EXT2: variants seen among roughly 807,000 people sequenced by gnomAD.
EXT2 encodes exostosin-2.
EXT2 carries 53 observed loss-of-function variants against 81.6 expected under a neutral mutation model. The observed-to-expected ratio is 0.65, with a 90% CI of 0.52 to 0.82. The LOEUF (loss-of-function observed/expected upper bound fraction) is 0.82, where lower values mean the gene tolerates loss of function less well. Among genes scored for constraint, EXT2 ranks in the 40% least tolerant of loss-of-function variants. The probability of loss-of-function intolerance (pLI) is 0.00; values close to 1 mark genes in which losing one functional copy is unlikely to be tolerated. For synonymous variants in EXT2, 320 were observed against 340.0 expected (o/e 0.94, Z 0.65); for missense variants, 774 against 910.2 (o/e 0.85, Z 1.93).
In EXT2 at chr11:44,248,761, G is replaced by T. The variant is rs1240301112; in HGVS notation, c.*4474G>T. Reference sequence around the variant, plus strand: ...CCAGCTTCCCCAATTTCCTGGGAGGGTGTGTGGGTCTGTACAGGCAACCTT... The same window carrying T: ...CCAGCTTCCCCAATTTCCTGGGAGGTTGTGTGGGTCTGTACAGGCAACCTT... On this transcript the variant is annotated 3_prime_UTR_variant, in exon 14 of 14. Coordinates refer to ENST00000533608, the MANE Select transcript of EXT2 (RefSeq NM_207122.2). 1.3e-5 allele frequency among the ~76,000 whole-genome samples: 2 copies of T among 152,144 alleles called. No individual in the cohort carries two copies. The highest frequency in any genetic ancestry group is 1.9e-4 in the East Asian group (1 of 5,182).
intron 7 of EXT2, among the ~76,000 whole-genome samples, chr11:44,163,160 A>T (rs532222798): frequency 6.6e-5 from 10 of 152,316 alleles, no homozygotes; most frequent in Admixed American, 6.5e-4. Context: ...AGTCCACAAG[A>T]AGTGCCTTTA....
At chr11:44,143,781 A>G (rs1954678410) in intron 7 of EXT2, among the ~76,000 whole-genome samples, 1 of 152,210 alleles carries the variant, frequency 6.6e-6, no homozygotes, top group Non-Finnish European at 1.5e-5. Context: ...TGTAGTAATA[A>G]TAGTGGACAG....
chr11:44,141,619 A>C (rs140507625), intron 7 of EXT2, among the ~76,000 whole-genome samples: 5 of 152,370 alleles, frequency 3.3e-5, no homozygotes, highest in Admixed American at 2.6e-4. Flanking sequence ...ATTTATGATC[A>C]TGAACAATCT....
chr11:44,193,792 C>T (rs558867254), intron 8 of EXT2, among the ~76,000 whole-genome samples: 1 of 152,172 alleles, frequency 6.6e-6, no homozygotes. Context: ...GTCCATACCC[C>T]CCATGCTGCC....
At chr11:44,160,647 G>A (rs948486620) in intron 7 of EXT2, among the ~76,000 whole-genome samples, 18 of 152,164 alleles carry the variant, frequency 1.2e-4, no homozygotes, top group African/African-American at 3.6e-4. Flanking sequence ...TAAGTGCAAC[G>A]GATTTTGAAG....
intron 13 of EXT2, 88 bp downstream of exon 13, chr11:44,236,463 T>A: frequency 8.1e-7 from 1 of 1,238,292 alleles, no homozygotes; most frequent in Non-Finnish European, 1.2e-6. Context: ...GTTGGAGATA[T>A]AAGGACAGCA....
chr11:44,146,643 G>A (rs1008642326), intron 7 of EXT2, among the ~76,000 whole-genome samples: 33 of 152,110 alleles, frequency 2.2e-4, no homozygotes, highest in African/African-American at 8.0e-4. Flanking sequence ...CCACAAGGTG[G>A]GACTTCTACT....
rs201949126 is a variant in EXT2, at chr11:44,172,210, A to G, written c.1305+468A>G. On this transcript the variant is annotated intron_variant, in intron 8 of 13. Coordinates refer to ENST00000533608, the MANE Select transcript of EXT2 (RefSeq NM_207122.2). The stretch of plus-strand genomic sequence containing the variant: ...GGAAAATAATAAGCAGAAGTGATCT[A>G]GAGGCATTACGGATTGCTATAGTCA... 2.6e-5 allele frequency among the ~76,000 whole-genome samples: 4 copies of G among 152,348 alleles called. No homozygotes were observed. The East Asian group carries it at 5.8e-4, about 22-fold the overall frequency.
intron 7 of EXT2, among the ~76,000 whole-genome samples, chr11:44,169,406 G>C (rs1263461414): frequency 1.3e-5 from 2 of 151,930 alleles, no homozygotes; most frequent in South Asian, 4.1e-4. Context: ...TAGTTGCTAG[G>C]AAAGCTACTC....
At chr11:44,096,086 G>T in intron 1 of EXT2, 1 of 701,444 alleles carries the variant, frequency 1.4e-6, no homozygotes, top group African/African-American at 1.7e-5. Context: ...CTCCGGCGGC[G>T]GCCGCGCTTT....
intron 9 of EXT2, among the ~76,000 whole-genome samples, chr11:44,205,917 A>G (rs951672242): frequency 1.3e-5 from 2 of 152,244 alleles, no homozygotes; most frequent in African/African-American, 2.4e-5. Flanking sequence ...CCAAAGAAGT[A>G]TGAATTTCAT....
intron 8 of EXT2, among the ~76,000 whole-genome samples, chr11:44,172,683 A>C (rs891901341): frequency 2.6e-5 from 4 of 151,022 alleles, no homozygotes; most frequent in African/African-American, 7.3e-5. Context: ...TCCCAGGTTC[A>C]AGTGATTCTC....
intron 6 of EXT2, among the ~76,000 whole-genome samples, chr11:44,128,033 T>C (rs925678808): frequency 6.6e-6 from 1 of 152,244 alleles, no homozygotes; most frequent in Non-Finnish European, 1.5e-5. Flanking sequence ...AGTCTTTTCC[T>C]TGCCTCAAAT....
At chr11:44,126,997 C>T (rs369933447) in intron 6 of EXT2, 42 bp downstream of exon 6, 41 of 1,609,886 alleles carry the variant, frequency 2.5e-5, no homozygotes, top group East Asian at 2.0e-4. Flanking sequence ...AGTGGTTCTG[C>T]GTATATTACA....
At chr11:44,231,341 A>T (rs1955896564) in intron 10 of EXT2, among the ~76,000 whole-genome samples, 1 of 152,180 alleles carries the variant, frequency 6.6e-6, no homozygotes, top group Admixed American at 6.5e-5. Context: ...ATTTATTGAG[A>T]TGGAGAAGAT....
chr11:44,133,845 A>G (rs547890974), intron 7 of EXT2, among the ~76,000 whole-genome samples: 24 of 152,324 alleles, frequency 1.6e-4, no homozygotes, highest in African/African-American at 5.8e-4. Flanking sequence ...AAAGGCTACA[A>G]TCTGACAGAT....
At chr11:44,146,801 G>A (rs1404906843) in intron 7 of EXT2, among the ~76,000 whole-genome samples, 1 of 152,176 alleles carries the variant, frequency 6.6e-6, no homozygotes, top group African/African-American at 2.4e-5. Context: ...GCATATCACA[G>A]TTTATGTTTT....
intron 7 of EXT2, among the ~76,000 whole-genome samples, chr11:44,152,308 G>A (rs1019026112): frequency 2.6e-5 from 4 of 152,128 alleles, no homozygotes; most frequent in East Asian, 1.9e-4. Context: ...GGCCATCTAG[G>A]TTTTCTCCTA....
chr11:44,213,265 G>A (rs975642580), intron 10 of EXT2, among the ~76,000 whole-genome samples: 2 of 152,148 alleles, frequency 1.3e-5, no homozygotes, highest in Non-Finnish European at 2.9e-5. Context: ...AATTAGTGAA[G>A]TAGAAAACAG....
Sources: gnomAD v4.1 joint callset for allele counts (sites outside exome capture counted in the v4.1 genomes callset) on GRCh38, gnomAD v4.1.1 for gene constraint, MANE v1.5 for transcripts, NCBI Gene and HGNC (gene_info 2026-07-23, HGNC 2026-07-21) for gene names.